The following RGS20 variants were observed in gnomAD, a reference collection of about 807,000 sequenced individuals.
RGS20 encodes gz-selective GTPase-activating protein.
Under a neutral mutation model 33.6 loss-of-function variants are expected in RGS20, and 30 were observed. That is an observed-to-expected ratio of 0.89 (90% CI 0.67 to 1.21). The LOEUF is 1.21. Ranked by LOEUF, RGS20 falls within the 50% of genes most tolerant of loss-of-function variation. The probability of loss-of-function intolerance (pLI) is 0.00; values close to 1 mark genes in which losing one functional copy is unlikely to be tolerated. For synonymous variants in RGS20, 208 were observed against 197.9 expected, an observed-to-expected ratio of 1.05 and a Z score of -0.43; for missense variants, 472 against 502.4, an observed-to-expected ratio of 0.94 and a Z score of 0.58.
At chr8:53,880,721 G>A (rs1273892087) in intron 2 of RGS20, among the ~76,000 whole-genome samples, 151 bp from the exon 1 acceptor site, 3 of 152,134 alleles carry the variant, frequency 2.0e-5, no homozygotes, top group Non-Finnish European at 4.4e-5. Flanking sequence ...GGCTGGAGCA[G>A]TGGGGCTGCG....
intron 3 of RGS20, among the ~76,000 whole-genome samples, chr8:53,944,746 A>G (rs1273851388): frequency 1.3e-5 from 2 of 152,230 alleles, no homozygotes; most frequent in Non-Finnish European, 2.9e-5. Flanking sequence ...AGGTCTTAAA[A>G]TGAAGAACAC....
At chr8:53,931,333 G>A (rs879696334) in intron 2 of RGS20, among the ~76,000 whole-genome samples, 3 of 152,206 alleles carry the variant, frequency 2.0e-5, no homozygotes, top group Non-Finnish European at 4.4e-5. Context: ...AAGGTGGGCA[G>A]ATCATGAGGT....
intron 1 of RGS20, among the ~76,000 whole-genome samples, chr8:53,858,317 C>G (rs1256073453): frequency 1.3e-5 from 2 of 152,146 alleles, no homozygotes; most frequent in African/African-American, 4.8e-5. Context: ...ACTCCACTTA[C>G]AATTCTGATT....
At chr8:53,925,729 C>CA (rs1813773675) in intron 2 of RGS20, among the ~76,000 whole-genome samples, 1 of 151,014 alleles carries the variant, frequency 6.6e-6, no homozygotes, top group Non-Finnish European at 1.5e-5. Flanking sequence ...GAGCGAAACT[C>CA]AGTCTCAAAA....
chr8:53,898,436 A>C (rs1484365439), intron 2 of RGS20, among the ~76,000 whole-genome samples: 1 of 152,160 alleles, frequency 6.6e-6, no homozygotes, highest in African/African-American at 2.4e-5. Context: ...GCCTCCTCCT[A>C]ATGCTCCATT....
intron 2 of RGS20, among the ~76,000 whole-genome samples, chr8:53,920,786 T>C (rs1056931042): frequency 6.6e-6 from 1 of 152,194 alleles, no homozygotes; most frequent in African/African-American, 2.4e-5. Context: ...AGACGGGCAG[T>C]CTCACTCTGT....
At chr8:53,884,258 C>T (rs1412108777) in intron 2 of RGS20, among the ~76,000 whole-genome samples, 1 of 140,916 alleles carries the variant, frequency 7.1e-6, no homozygotes, top group Non-Finnish European at 1.5e-5. Context: ...TGCAGTGGCA[C>T]GACTGAGGCC....
At chr8:53,951,637 T>C (rs925498827) in intron 4 of RGS20, among the ~76,000 whole-genome samples, 1 of 152,242 alleles carries the variant, frequency 6.6e-6, no homozygotes, top group African/African-American at 2.4e-5. Context: ...GACCAAGCAT[T>C]ACCTTATAAA....
intron 2 of RGS20, among the ~76,000 whole-genome samples, chr8:53,889,847 T>C (rs1246229468): frequency 6.6e-6 from 1 of 152,152 alleles, no homozygotes; most frequent in Non-Finnish European, 1.5e-5. Flanking sequence ...GTTGGAAAGT[T>C]ATGCTTCTTT....
intron 1 of RGS20, among the ~76,000 whole-genome samples, chr8:53,856,191 C>T (rs953971972): frequency 6.6e-6 from 1 of 151,522 alleles, no homozygotes; most frequent in Non-Finnish European, 1.5e-5. Flanking sequence ...CACTTGTCTT[C>T]ATCAGATTAT....
In RGS20 at chr8:53,930,602, G is replaced by A. The variant is rs146724075; in HGVS notation, c.511-8974G>A. Reference sequence around the variant, plus strand: ...TCACTGTTGCCGAGGCTGGAGTGCAGTGGCACGATCTCAGTTCACTGCAAC... The same window carrying A: ...TCACTGTTGCCGAGGCTGGAGTGCAATGGCACGATCTCAGTTCACTGCAAC... On this transcript the variant is annotated intron_variant, in intron 2 of 5. Transcript: ENST00000297313. Among the ~76,000 whole-genome samples the A allele has an allele frequency of 6.3e-3, 967 of 152,312 alleles. 5 individuals are homozygous for A. The highest frequency in any genetic ancestry group is 0.011 in the Non-Finnish European group (776 of 68,026).
Position 53,877,106 on chromosome 8 carries a change from G to A in RGS20, c.166-2152G>A, listed in dbSNP as rs1812225041. ...GGACCCACGAAAGGCTTTGGAGCTC[G>A]CTCGGGCTCCTCGAAGTTGGGCGTG... On this transcript the variant is annotated intron_variant, in intron 1 of 5. Coordinates refer to ENST00000297313, the MANE Select transcript of RGS20 (RefSeq NM_170587.4). This position sits in a 1 kb window ranked among gnomAD's most constrained non-coding sequence, Gnocchi z 5.7. Among the ~76,000 whole-genome samples, 1 of 152,218 alleles carries A rather than the reference G, an allele frequency of 6.6e-6. No homozygotes were observed. Among genetic ancestry groups the A allele is most frequent in the Non-Finnish European group, 1.5e-5 (1 of 68,048 alleles).
intron 1 of RGS20, among the ~76,000 whole-genome samples, chr8:53,870,062 T>C (rs866057085): frequency 2.4e-4 from 37 of 151,742 alleles, no homozygotes; most frequent in Admixed American, 1.1e-3. Context: ...GCCAAACATT[T>C]AAAAAAAATG....
chr8:53,906,203 C>T (rs543583753), intron 2 of RGS20, among the ~76,000 whole-genome samples: 2 of 152,148 alleles, frequency 1.3e-5, no homozygotes, highest in Admixed American at 6.5e-5. Context: ...ATCACGACCT[C>T]GTCCCTACTA....
At chr8:53,872,728 G>T (rs1468993285) in intron 1 of RGS20, among the ~76,000 whole-genome samples, 1 of 152,172 alleles carries the variant, frequency 6.6e-6, no homozygotes, top group Non-Finnish European at 1.5e-5. Context: ...TCAAGTGAGA[G>T]AACCCCAAGA....
intron 2 of RGS20, among the ~76,000 whole-genome samples, chr8:53,915,880 C>A (rs1353507856): frequency 6.6e-6 from 1 of 152,184 alleles, no homozygotes; most frequent in Non-Finnish European, 1.5e-5. Flanking sequence ...ACCACCCCAC[C>A]TGACATATTT....
At chr8:53,949,884 G>A (rs1254926561) in intron 4 of RGS20, among the ~76,000 whole-genome samples, 1 of 149,580 alleles carries the variant, frequency 6.7e-6, no homozygotes, top group African/African-American at 2.5e-5. Context: ...CTGTCACCCA[G>A]GCTGGAGTAC....
At chr8:53,880,772 ACC>A in intron 2 of RGS20, 98 bp from the exon 1 acceptor site, 2 of 1,032,974 alleles carry the variant, frequency 1.9e-6, no homozygotes, top group Non-Finnish European at 2.6e-6. Context: ...CCTCGGGGGT[ACC>A]CCTAGCACCC....
At chr8:53,927,712 G>A (rs1331604375) in intron 2 of RGS20, among the ~76,000 whole-genome samples, 2 of 152,150 alleles carry the variant, frequency 1.3e-5, no homozygotes. Flanking sequence ...GGAGAGAAGA[G>A]CACTGTCAAA....
Sources: allele counts gnomAD v4.1 joint callset (sites outside exome capture counted in the v4.1 genomes callset), GRCh38; gene constraint gnomAD v4.1.1; non-coding constraint Gnocchi (gnomAD v3.1); transcripts MANE v1.5; gene names NCBI Gene and HGNC (gene_info 2026-07-23, HGNC 2026-07-21).